PDE10A: variants seen among roughly 807,000 people sequenced by gnomAD.
PDE10A encodes the protein phosphodiesterase 10A, also known as cAMP and cAMP-inhibited cGMP 3',5'-cyclic phosphodiesterase 10A.
PDE10A carries 39 observed loss-of-function variants against 97.7 expected under a neutral mutation model. The ratio of observed to expected loss-of-function variants is 0.40; its 90% CI spans 0.31 to 0.52. The LOEUF is 0.52. Among genes scored for constraint, PDE10A ranks in the 20% least tolerant of loss-of-function variants. The pLI, the probability that PDE10A is intolerant of heterozygous loss-of-function variation, is 0.56. For missense variants in PDE10A, 731 were observed against 1,047.8 expected, an observed-to-expected ratio of 0.70 and a Z score of 4.17; for synonymous variants, 371 against 376.8, an observed-to-expected ratio of 0.98 and a Z score of 0.18.
At chr6:165,623,708 T>G (rs1438542598) in intron 1 of PDE10A, among the ~76,000 whole-genome samples, 2 of 152,080 alleles carry the variant, frequency 1.3e-5, no homozygotes, top group African/African-American at 4.8e-5. Context: ...AACCCAATGG[T>G]GGGCTTTCCC....
intron 1 of PDE10A, among the ~76,000 whole-genome samples, chr6:165,719,320 G>A (rs931400175): frequency 6.6e-6 from 1 of 152,174 alleles, no homozygotes. Context: ...CTCATTATCG[G>A]CAGGGATCCA....
intron 1 of PDE10A, among the ~76,000 whole-genome samples, chr6:165,814,332 A>G (rs1260875628): frequency 1.3e-5 from 2 of 152,108 alleles, no homozygotes; most frequent in African/African-American, 4.8e-5. Context: ...CGCCCGTAAC[A>G]TGGGGCAAAA....
chr6:165,526,870 G>T (rs1782478901), intron 2 of PDE10A, among the ~76,000 whole-genome samples: 1 of 152,200 alleles, frequency 6.6e-6, no homozygotes, highest in African/African-American at 2.4e-5. Flanking sequence ...TGTTACCTCA[G>T]GAGTATATCA....
chr6:165,505,372 T>C (rs528456533), intron 2 of PDE10A, among the ~76,000 whole-genome samples: 4 of 152,280 alleles, frequency 2.6e-5, no homozygotes, highest in Admixed American at 1.3e-4. Context: ...AATAAATATA[T>C]AACTACTCAC....
chr6:165,777,352 C>T (rs1180305976), intron 1 of PDE10A, among the ~76,000 whole-genome samples: 1 of 152,162 alleles, frequency 6.6e-6, no homozygotes, highest in Non-Finnish European at 1.5e-5. Context: ...CTCTGAGGGG[C>T]GAGGTGAATG....
At chr6:165,392,912 G>T in intron 15 of PDE10A, 116 bp from the exon 16 acceptor site, 1 of 853,730 alleles carries the variant, frequency 1.2e-6, no homozygotes, top group Admixed American at 2.1e-5. Context: ...CAACTCTAAA[G>T]ATTTCCACCC....
intron 1 of PDE10A, among the ~76,000 whole-genome samples, chr6:165,937,610 C>T (rs768382531): frequency 1.1e-4 from 17 of 152,122 alleles, no homozygotes; most frequent in Non-Finnish European, 2.2e-4. Context: ...GAGTACTTGG[C>T]ACATAGTAGG....
At chr6:165,415,305 A>G (rs1788231300) in intron 12 of PDE10A, among the ~76,000 whole-genome samples, 1 of 152,188 alleles carries the variant, frequency 6.6e-6, no homozygotes, top group South Asian at 2.1e-4. Context: ...GGAGTTGTGT[A>G]TATTTGACAT....
At chr6:165,625,922 C>A (rs981031697) in intron 1 of PDE10A, among the ~76,000 whole-genome samples, 1 of 152,170 alleles carries the variant, frequency 6.6e-6, no homozygotes, top group African/African-American at 2.4e-5. Context: ...TGATTCGTTG[C>A]GTTCGGGGGA....
chr6:165,589,789 G>A (rs1477642576), intron 1 of PDE10A, among the ~76,000 whole-genome samples: 1 of 152,098 alleles, frequency 6.6e-6, no homozygotes. Context: ...ATCTGCATAT[G>A]GTATGAACTG....
chr6:165,631,588 T>G (rs1788632022), intron 1 of PDE10A, among the ~76,000 whole-genome samples: 1 of 152,220 alleles, frequency 6.6e-6, no homozygotes, highest in Non-Finnish European at 1.5e-5. Flanking sequence ...AGTATGTCAT[T>G]ATTTGTATGT....
intron 1 of PDE10A, among the ~76,000 whole-genome samples, chr6:165,941,666 A>C (rs300112): frequency 0.18 from 26,965 of 152,036 alleles, 2,887 homozygotes; most frequent in East Asian, 0.3. Context: ...TTGCCATGTG[A>C]TGTGCCTGCT....
chr6:165,691,192 T>TA (rs1791281130), intron 1 of PDE10A, among the ~76,000 whole-genome samples: 1 of 48,830 alleles, frequency 2.0e-5, no homozygotes, highest in African/African-American at 9.7e-5. Flanking sequence ...TCTCTCCCTC[T>TA]CTCTCTCTCC....
chr6:165,456,172 CCA>C (rs1040032702), intron 3 of PDE10A, among the ~76,000 whole-genome samples: 3 of 152,114 alleles, frequency 2.0e-5, no homozygotes, highest in African/African-American at 7.2e-5. Context: ...TTTCTTTACC[CCA>C]CAGTCTTTAA....
chr6:165,928,328 T>G (rs1783009719), intron 1 of PDE10A, among the ~76,000 whole-genome samples: 1 of 152,136 alleles, frequency 6.6e-6, no homozygotes, highest in South Asian at 2.1e-4. Flanking sequence ...GATTGGAGGA[T>G]GAGAATAAAA....
intron 11 of PDE10A, among the ~76,000 whole-genome samples, chr6:165,417,581 T>A (rs1421995611): frequency 2.0e-5 from 3 of 152,126 alleles, no homozygotes; most frequent in African/African-American, 7.2e-5. Context: ...GCAAGAGAAA[T>A]GACTTATCTA....
chr6:165,558,728 T>C (rs990812450), intron 1 of PDE10A, among the ~76,000 whole-genome samples: 5 of 152,176 alleles, frequency 3.3e-5, no homozygotes, highest in Non-Finnish European at 7.3e-5. Flanking sequence ...TCAGGCATTA[T>C]ATTTTGTTTT....
chr6:165,928,816 G>C (rs968395493), intron 1 of PDE10A, among the ~76,000 whole-genome samples: 1 of 152,108 alleles, frequency 6.6e-6, no homozygotes, highest in Admixed American at 6.5e-5. Context: ...TTCTCAACAA[G>C]CAATTGCTCA....
intron 1 of PDE10A, among the ~76,000 whole-genome samples, chr6:165,759,295 A>G (rs1205584127): frequency 6.6e-6 from 1 of 152,052 alleles, no homozygotes; most frequent in East Asian, 1.9e-4. Flanking sequence ...CCTAACAGAG[A>G]GATGAGCTTA....
Sources: allele counts gnomAD v4.1 joint callset (sites outside exome capture counted in the v4.1 genomes callset), GRCh38; gene constraint gnomAD v4.1.1; transcripts MANE v1.5; gene names NCBI Gene and HGNC (gene_info 2026-07-23, HGNC 2026-07-21).